RSBN1L: variants seen among roughly 807,000 people sequenced by gnomAD.
The protein encoded by RSBN1L is round spermatid basic protein 1 like, also known as lysine-specific demethylase RSBN1L.
In RSBN1L, 30 loss-of-function variants were observed where a neutral mutation model predicts 67.7. The ratio of observed to expected loss-of-function variants is 0.44; its 90% CI spans 0.33 to 0.60. The LOEUF (loss-of-function observed/expected upper bound fraction) is 0.60. Ranked by LOEUF, RSBN1L falls within the 20% of genes least tolerant of loss-of-function variation. The probability of loss-of-function intolerance (pLI) is 0.02; values close to 1 mark genes in which losing one functional copy is unlikely to be tolerated. For missense variants in RSBN1L, 992 were observed against 1,031.7 expected, an observed-to-expected ratio of 0.96 and a Z score of 0.53; for synonymous variants, 433 against 387.0, an observed-to-expected ratio of 1.12 and a Z score of -1.39.
Position 77,779,075 on chromosome 7 carries a change from A to C in RSBN1L, c.2448A>C (p.Glu816Asp). 6.2e-7 allele frequency: 1 copy of C among 1,613,744 alleles called. No homozygotes were observed. Among genetic ancestry groups the C allele is most frequent in the African/African-American group, 1.3e-5 (1 of 75,052 alleles). Residue 816 changes from glutamate (E) to aspartate (D), a missense_variant, in exon 8 of 8, where the codon GAA becomes GAC. Physicochemically the swap from Glu to Asp is conservative, Grantham distance 45. Transcript: ENST00000334955. ...ATAGCAACAAAGATTTAAAGGAAGA[A>C]TTGTGCCCTGGAAATCTAAGTCTAG... ...FENSNKDLKE[E>D]LCPGNLSLVD...
At chr7:77,740,169 T>A (rs1406271949) in intron 2 of RSBN1L, among the ~76,000 whole-genome samples, 1 of 152,214 alleles carries the variant, frequency 6.6e-6, no homozygotes, top group Non-Finnish European at 1.5e-5. Flanking sequence ...TATTTGCTCT[T>A]TTCAAAATAG....
At position 77,697,151 on chromosome 7, in the gene RSBN1L, C is replaced by G. The variant is rs1002871301; in HGVS notation, c.586+96C>G. On this transcript the variant is annotated intron_variant, in intron 1 of 7. Coordinates refer to ENST00000334955, the MANE Select transcript of RSBN1L (RefSeq NM_198467.3). The stretch of plus-strand genomic sequence containing the variant: ...CCGGGAAGGGGGAGCGCGGCGGCCG[C>G]GTGCGCCGGCCTGGAGGGGCTGGGA... The G allele has an allele frequency of 4.8e-6, 6 of 1,258,310 alleles. No individual in the cohort carries two copies. In the African/African-American group the frequency reaches 6.3e-5, roughly 13 times the overall value. The allele number at this position is 1,258,310 out of a possible 1,614,324, so 77.9% of individuals were successfully genotyped here.
Position 77,773,210 on chromosome 7 carries a change from C to G in RSBN1L, c.1689C>G (p.Leu563=). ...GAACAAGTGAGCCCCGTGAGATGCTCTTTGAAGACAGGACAAGAGCTCATG... is the reference window on the plus strand; with the variant it reads ...GAACAAGTGAGCCCCGTGAGATGCTGTTTGAAGACAGGACAAGAGCTCATG... The part of the protein sequence containing the change: ...LPRTSEPREM[L]FEDRTRAHAD... Residue 563 remains leucine, a synonymous_variant, in exon 6 of 8, where the codon CTC becomes CTG. Transcript: ENST00000334955. 1 of 1,613,094 alleles carries G rather than the reference C, an allele frequency of 6.2e-7. No homozygotes were observed. The highest frequency in any genetic ancestry group is 8.5e-7 in the Non-Finnish European group (1 of 1,179,496).
intron 1 of RSBN1L, among the ~76,000 whole-genome samples, chr7:77,704,121 A>G (rs1319499811): frequency 1.3e-5 from 2 of 152,206 alleles, no homozygotes; most frequent in Non-Finnish European, 2.9e-5. Context: ...CGCATTGGAG[A>G]CATGTAGTTT....
intron 1 of RSBN1L, among the ~76,000 whole-genome samples, chr7:77,735,346 A>G (rs1791320606): frequency 6.6e-6 from 1 of 152,200 alleles, no homozygotes. Context: ...TCATCATTTA[A>G]AAATATCAGT....
chr7:77,762,478 A>G (rs1791708280), intron 3 of RSBN1L, among the ~76,000 whole-genome samples: 1 of 152,198 alleles, frequency 6.6e-6, no homozygotes, highest in African/African-American at 2.4e-5. Context: ...AAAAAGCATT[A>G]TTTGTAAACT....
In RSBN1L at chr7:77,780,132, T is replaced by C. The variant is rs1791980203; in HGVS notation, c.*964T>C. 1 of 152,164 alleles carries C rather than the reference T, an allele frequency of 6.6e-6. No individual in the cohort carries two copies. Among genetic ancestry groups the C allele is most frequent in the African/African-American group, 2.4e-5 (1 of 41,424 alleles). The allele number at this position is 152,164 out of a possible 1,614,324, so 9.4% of individuals were successfully genotyped here. ...GGGGTGAGCCACAGCGCCCAGCCTA[T>C]GCAGGCATTTTTAACAACCAAGACT... On this transcript the variant is annotated 3_prime_UTR_variant, in exon 8 of 8. Transcript: ENST00000334955.
chr7:77,749,290 A>G, intron 2 of RSBN1L, 134 bp from the exon 3 acceptor site: 2 of 666,422 alleles, frequency 3.0e-6, no homozygotes, highest in Non-Finnish European at 4.8e-6. Context: ...TCAATTCTGT[A>G]AAAAATGAGT....
At chr7:77,699,889 C>T (rs751513627) in intron 1 of RSBN1L, among the ~76,000 whole-genome samples, 25 of 151,870 alleles carry the variant, frequency 1.6e-4, no homozygotes, top group Non-Finnish European at 2.9e-4. Flanking sequence ...CTCCGCCTCC[C>T]GGGTTCAAGC....
chr7:77,751,219 A>G (rs1791552326), intron 3 of RSBN1L, among the ~76,000 whole-genome samples: 1 of 152,100 alleles, frequency 6.6e-6, no homozygotes, highest in African/African-American at 2.4e-5. Flanking sequence ...GGCTCACTGC[A>G]ACCTCTGCCT....
At chr7:77,704,289 A>G (rs1488815120) in intron 1 of RSBN1L, among the ~76,000 whole-genome samples, 2 of 152,214 alleles carry the variant, frequency 1.3e-5, no homozygotes, top group Non-Finnish European at 2.9e-5. Flanking sequence ...TTAATTTTTC[A>G]CCAATCTCAA....
intron 4 of RSBN1L, among the ~76,000 whole-genome samples, chr7:77,765,942 A>T (rs922146799): frequency 1.3e-5 from 2 of 152,210 alleles, no homozygotes; most frequent in African/African-American, 4.8e-5. Flanking sequence ...CCATGTGTTT[A>T]TCAGCTCTTT....
chr7:77,710,568 CCTGA>C (rs1332727610), intron 1 of RSBN1L, among the ~76,000 whole-genome samples: 1 of 151,964 alleles, frequency 6.6e-6, no homozygotes, highest in African/African-American at 2.4e-5. Context: ...CTTCTCTTAT[CCTGA>C]CTTTCTTTGC....
chr7:77,757,782 CCTGGG>C (rs1359504627), intron 3 of RSBN1L, among the ~76,000 whole-genome samples: 1 of 152,084 alleles, frequency 6.6e-6, no homozygotes, highest in Non-Finnish European at 1.5e-5. Flanking sequence ...CACAGGTTAG[CCTGGG>C]CTCATTTGCA....
At chr7:77,707,208 G>A (rs1260527384) in intron 1 of RSBN1L, among the ~76,000 whole-genome samples, 1 of 151,974 alleles carries the variant, frequency 6.6e-6, no homozygotes, top group Non-Finnish European at 1.5e-5. Context: ...ATTTTTAGTA[G>A]AGACAGGGTT....
chr7:77,701,905 G>C (rs1178279682), intron 1 of RSBN1L, among the ~76,000 whole-genome samples: 1 of 152,136 alleles, frequency 6.6e-6, no homozygotes, highest in South Asian at 2.1e-4. Context: ...TGTCTGCCTT[G>C]GCCTCCCAAA....
chr7:77,713,302 T>C (rs189789722), intron 1 of RSBN1L, among the ~76,000 whole-genome samples: 177 of 152,212 alleles, frequency 1.2e-3, no homozygotes, highest in African/African-American at 4.1e-3. Flanking sequence ...TTTTCTGTTT[T>C]TATGTACTCA....
intron 1 of RSBN1L, among the ~76,000 whole-genome samples, chr7:77,724,634 C>G (rs1320865617): frequency 6.6e-6 from 1 of 151,836 alleles, no homozygotes; most frequent in Non-Finnish European, 1.5e-5. Flanking sequence ...CCCTGTTGGC[C>G]AGGCTGGTCT....
intron 1 of RSBN1L, among the ~76,000 whole-genome samples, chr7:77,727,683 C>T (rs1216276960): frequency 2.0e-5 from 3 of 150,520 alleles, no homozygotes; most frequent in African/African-American, 4.9e-5. Context: ...CCAGGCTGGT[C>T]TTACCCTCCT....
Sources: allele counts gnomAD v4.1 joint callset (sites outside exome capture counted in the v4.1 genomes callset), GRCh38; gene constraint gnomAD v4.1.1; transcripts MANE v1.5; gene names NCBI Gene and HGNC (gene_info 2026-07-23, HGNC 2026-07-21).